Variants in NGLY1 observed in about 807,000 individuals in gnomAD.
NGLY1 encodes peptide-N(4)-(N-acetyl-beta-glucosaminyl)asparagine amidase.
NGLY1 carries 68 observed loss-of-function variants against 84.6 expected under a neutral mutation model. That is an observed-to-expected ratio of 0.80 (90% CI 0.66 to 0.98). NGLY1 has a LOEUF of 0.98. Among genes scored for constraint, NGLY1 ranks in the 50% least tolerant of loss-of-function variants. The pLI, the probability that NGLY1 is intolerant of heterozygous loss-of-function variation, is 0.00. For synonymous variants in NGLY1, 280 were observed against 275.2 expected (o/e 1.02, Z -0.17); for missense variants, 779 against 770.2 (o/e 1.01, Z -0.14).
chr3:25,772,045 G>A (rs892445806), intron 2 of NGLY1, among the ~76,000 whole-genome samples: 4 of 152,084 alleles, frequency 2.6e-5, no homozygotes, highest in African/African-American at 9.7e-5. Context: ...GACTGCTCTG[G>A]CTAGGACTTC....
chr3:25,767,291 CAAA>C (rs545173545), intron 2 of NGLY1, among the ~76,000 whole-genome samples: 5 of 89,462 alleles, frequency 5.6e-5, no homozygotes, highest in Non-Finnish European at 2.3e-5. Context: ...GACTCCGTCT[CAAA>C]AAAAAAAAAA....
chr3:25,723,383 CTT>C (rs778744374), intron 10 of NGLY1, among the ~76,000 whole-genome samples: 9 of 152,238 alleles, frequency 5.9e-5, no homozygotes, highest in South Asian at 4.1e-4. Flanking sequence ...AAAAAGGTCT[CTT>C]ATGTTAAAGA....
chr3:25,759,705 T>TAA (rs1707212316), intron 3 of NGLY1, among the ~76,000 whole-genome samples: 1 of 152,174 alleles, frequency 6.6e-6, no homozygotes, highest in African/African-American at 2.4e-5. Flanking sequence ...TAAAGTTACT[T>TAA]AGAGTACAAA....
At chr3:25,782,206 T>C (rs1161430837) in intron 1 of NGLY1, among the ~76,000 whole-genome samples, 1 of 152,194 alleles carries the variant, frequency 6.6e-6, no homozygotes, top group Non-Finnish European at 1.5e-5. Context: ...GACATGGATT[T>C]TAAAAACTGC....
At chr3:25,735,801 G>C in intron 7 of NGLY1, 1 of 448,098 alleles carries the variant, frequency 2.2e-6, no homozygotes, top group Non-Finnish European at 3.8e-6. Flanking sequence ...GCCATCAACA[G>C]GTGAAATGGT....
chr3:25,753,382 C>A (rs896077528), intron 3 of NGLY1, among the ~76,000 whole-genome samples: 9 of 150,950 alleles, frequency 6.0e-5, no homozygotes, highest in South Asian at 4.2e-4. Flanking sequence ...CTCTCAAATC[C>A]TATCTAAAAG....
intron 4 of NGLY1, among the ~76,000 whole-genome samples, chr3:25,743,286 T>A (rs1017567169): frequency 6.6e-6 from 1 of 152,200 alleles, no homozygotes; most frequent in African/African-American, 2.4e-5. Flanking sequence ...GGTAATTTGT[T>A]ATAGTAGCCC....
At chr3:25,758,090 A>G (rs1294747617) in intron 3 of NGLY1, among the ~76,000 whole-genome samples, 1 of 152,252 alleles carries the variant, frequency 6.6e-6, no homozygotes, top group Non-Finnish European at 1.5e-5. Flanking sequence ...AAGAGCACAC[A>G]TTAACAAAGA....
At chr3:25,788,180 A>G (rs146261520), upstream of NGLY1, among the ~76,000 whole-genome samples, 19 of 152,336 alleles carry the variant, frequency 1.2e-4, no homozygotes, top group African/African-American at 4.1e-4. Flanking sequence ...ATAGGAAGAA[A>G]ATGAGTGGTT....
intron 9 of NGLY1, 21 bp downstream of exon 9, chr3:25,732,298 A>G: frequency 6.2e-7 from 1 of 1,609,670 alleles, no homozygotes; most frequent in Non-Finnish European, 8.5e-7. Flanking sequence ...AAGGATCATC[A>G]TGCTAGAATG....
At chr3:25,735,423 A>G (rs1705767673) in intron 7 of NGLY1, 1 of 152,222 alleles carries the variant, frequency 6.6e-6, no homozygotes, top group Admixed American at 6.5e-5. Context: ...AAGCAAACAC[A>G]TAAAAAGATG....
chr3:25,754,883 T>C, intron 3 of NGLY1: 1 of 643,584 alleles, frequency 1.6e-6, no homozygotes, highest in Non-Finnish European at 2.9e-6. Flanking sequence ...AGTTAAAGAC[T>C]ACCAATAGGC....
intron 7 of NGLY1, 43 bp from the exon 8 acceptor site, chr3:25,734,025 C>A (rs1414705239): frequency 6.2e-7 from 1 of 1,601,136 alleles, no homozygotes; most frequent in Non-Finnish European, 8.5e-7. Flanking sequence ...AAGATTACAA[C>A]CATCAACCTT....
chr3:25,776,309 T>C (rs746604019), intron 2 of NGLY1, among the ~76,000 whole-genome samples: 1 of 152,174 alleles, frequency 6.6e-6, no homozygotes, highest in Non-Finnish European at 1.5e-5. Flanking sequence ...ACTCAAATAT[T>C]TGCTGAATGA....
chr3:25,740,913 G>A (rs1045137164), intron 4 of NGLY1, among the ~76,000 whole-genome samples: 1 of 151,984 alleles, frequency 6.6e-6, no homozygotes, highest in African/African-American at 2.4e-5. Flanking sequence ...GATCATCTGA[G>A]GTCAGGAGTT....
chr3:25,723,471 AAG>A (rs2125449120), intron 10 of NGLY1, among the ~76,000 whole-genome samples: 1 of 152,310 alleles, frequency 6.6e-6, no homozygotes, highest in Non-Finnish European at 1.5e-5. Flanking sequence ...TATTCTGTCA[AAG>A]ACTCATTTTT....
At chr3:25,785,674 AAAAAAAC>A (rs1305650900), upstream of NGLY1, among the ~76,000 whole-genome samples, 1 of 152,074 alleles carries the variant, frequency 6.6e-6, no homozygotes, top group Admixed American at 6.6e-5. Flanking sequence ...TCTCTACAAA[AAAAAAAC>A]AAAAACAAAA....
intron 7 of NGLY1, chr3:25,735,727 T>A (rs557123326): frequency 7.8e-6 from 2 of 256,506 alleles, no homozygotes; most frequent in African/African-American, 2.2e-5. Context: ...TAAAGACTTG[T>A]GTGCCTGAGT....
intron 5 of NGLY1, 48 bp downstream of exon 5, chr3:25,739,529 A>G: frequency 6.5e-7 from 1 of 1,538,802 alleles, no homozygotes; most frequent in Non-Finnish European, 8.9e-7. Flanking sequence ...CTCTCTTCTA[A>G]CTATTTCATT....
Sources: gnomAD v4.1 joint callset for allele counts (sites outside exome capture counted in the v4.1 genomes callset) on GRCh38, gnomAD v4.1.1 for gene constraint, MANE v1.5 for transcripts, NCBI Gene and HGNC (gene_info 2026-07-23, HGNC 2026-07-21) for gene names.